The following BPIFC variants were observed in gnomAD, a reference collection of about 807,000 sequenced individuals.
BPIFC encodes BPI fold containing family C.
In BPIFC, 60 loss-of-function variants were observed where a neutral mutation model predicts 57.6. That is an observed-to-expected ratio of 1.04 (90% CI 0.85 to 1.29). The LOEUF is 1.29. Ranked by LOEUF, BPIFC falls within the 50% of genes most tolerant of loss-of-function variation. The probability of loss-of-function intolerance (pLI) is 0.00; values close to 1 mark genes in which losing one functional copy is unlikely to be tolerated. For missense variants in BPIFC, 581 were observed against 600.5 expected (o/e 0.97, Z 0.34); for synonymous variants, 243 against 224.5 (o/e 1.08, Z -0.74).
intron 4 of BPIFC, among the ~76,000 whole-genome samples, chr22:32,449,014 C>T (rs62241180): frequency 0.01 from 1,578 of 152,196 alleles, 13 homozygotes; most frequent in Admixed American, 0.016. Context: ...GTGCATTACA[C>T]GCATTAGCTC....
At chr22:32,423,218 G>T (rs1253491118) in intron 13 of BPIFC, among the ~76,000 whole-genome samples, 2 of 152,180 alleles carry the variant, frequency 1.3e-5, no homozygotes, top group African/African-American at 4.8e-5. Flanking sequence ...AGAATGTGTT[G>T]AACCCATTCC....
chr22:32,430,824 G>A (rs1934218759), intron 13 of BPIFC, among the ~76,000 whole-genome samples: 1 of 151,832 alleles, frequency 6.6e-6, no homozygotes, highest in Admixed American at 6.6e-5. Flanking sequence ...AAAAGCTTTT[G>A]TAGAGATGAG....
At chr22:32,433,397 C>T (rs1178914664) in intron 11 of BPIFC, among the ~76,000 whole-genome samples, 1 of 152,178 alleles carries the variant, frequency 6.6e-6, no homozygotes, top group East Asian at 1.9e-4. Flanking sequence ...AGTGTGGGCA[C>T]TAATCCTTCA....
At chr22:32,422,770 A>ATG (rs1485321090) in intron 13 of BPIFC, among the ~76,000 whole-genome samples, 2 of 151,456 alleles carry the variant, frequency 1.3e-5, no homozygotes, top group Non-Finnish European at 2.9e-5. Context: ...GTGTGTGTGT[A>ATG]TGTGTGTGTG....
At chr22:32,436,026 T>C (rs1446105223) in intron 9 of BPIFC, 146 bp from the exon 10 acceptor site, 2 of 835,126 alleles carry the variant, frequency 2.4e-6, no homozygotes, top group Admixed American at 6.3e-5. Context: ...TCCCAACACT[T>C]TGGGAGGCTG....
At chr22:32,433,801 T>C in intron 10 of BPIFC, 29 bp from the exon 11 acceptor site, 1 of 1,593,324 alleles carries the variant, frequency 6.3e-7, no homozygotes, top group Admixed American at 1.7e-5. Flanking sequence ...TATGTCACTG[T>C]TAGGATTTTA....
At chr22:32,461,817 G>A (rs544217823) in intron 1 of BPIFC, among the ~76,000 whole-genome samples, 156 bp from the exon 2 acceptor site, 36 of 152,246 alleles carry the variant, frequency 2.4e-4, no homozygotes, top group Middle Eastern at 3.4e-3. Flanking sequence ...TATCACTGCC[G>A]GCTAAAAATT....
intron 7 of BPIFC, among the ~76,000 whole-genome samples, chr22:32,443,194 C>T (rs960751279): frequency 4.8e-5 from 7 of 145,226 alleles, no homozygotes; most frequent in Admixed American, 1.4e-4. Context: ...GACGAAGTCT[C>T]GCTCTGTCAC....
chr22:32,414,591 G>C (rs1173897433), intron 16 of BPIFC, among the ~76,000 whole-genome samples, 166 bp from the exon 17 acceptor site: 1 of 152,110 alleles, frequency 6.6e-6, no homozygotes. Flanking sequence ...TTGGCTCACT[G>C]CAAGCTCCGT....
chr22:32,429,252 G>A (rs1934161128), intron 13 of BPIFC, among the ~76,000 whole-genome samples: 1 of 151,414 alleles, frequency 6.6e-6, no homozygotes, highest in African/African-American at 2.4e-5. Flanking sequence ...TGTCCCCCAG[G>A]CTGGAGTGCA....
chr22:32,422,991 A>G (rs1204708771), intron 13 of BPIFC, among the ~76,000 whole-genome samples: 1 of 152,198 alleles, frequency 6.6e-6, no homozygotes, highest in Admixed American at 6.5e-5. Context: ...TTCTTACTGA[A>G]TGGATGTGTG....
intron 8 of BPIFC, 23 bp downstream of exon 8, chr22:32,442,648 G>C (rs1389087243): frequency 5.6e-6 from 9 of 1,608,952 alleles, no homozygotes; most frequent in African/African-American, 1.3e-5. Flanking sequence ...CAACCATCTG[G>C]AAAAGACAGT....
At chr22:32,433,352 C>T (rs1195886094) in intron 11 of BPIFC, among the ~76,000 whole-genome samples, 2 of 152,230 alleles carry the variant, frequency 1.3e-5, no homozygotes, top group African/African-American at 4.8e-5. Context: ...GCTACGAAGG[C>T]ACAATATTAA....
At chr22:32,458,174 T>A (rs960220153) in intron 2 of BPIFC, among the ~76,000 whole-genome samples, 4 of 152,162 alleles carry the variant, frequency 2.6e-5, no homozygotes, top group Non-Finnish European at 4.4e-5. Context: ...GGAATGACCC[T>A]ATGCCTCCAC....
chr22:32,451,082 T>C (rs1415344204), intron 4 of BPIFC, among the ~76,000 whole-genome samples: 3 of 152,382 alleles, frequency 2.0e-5, no homozygotes, highest in Non-Finnish European at 4.4e-5. Context: ...CACCTGTGGC[T>C]AGTGGCTACT....
Position 32,432,325 on chromosome 22 carries a change from G to T in BPIFC, c.1149+48C>A, listed in dbSNP as rs754255627. On this transcript the variant is annotated intron_variant, in intron 12 of 16. Coordinates refer to ENST00000300399, the MANE Select transcript of BPIFC (RefSeq NM_174932.3). ...GCTGCTGGCCAACAGTCCACAGCAG[G>T]AGCAGGATTGGCATCTACAGGCTGC... 3 of 1,594,846 alleles carry T rather than the reference G, an allele frequency of 1.9e-6. No individual in the cohort carries two copies. The South Asian group carries it at 3.4e-5, about 18-fold the overall frequency.
chr22:32,441,951 G>A (rs1248234807), intron 8 of BPIFC, among the ~76,000 whole-genome samples: 1 of 152,142 alleles, frequency 6.6e-6, no homozygotes. Flanking sequence ...AATAGGGTTC[G>A]CACTCCTATG....
intron 13 of BPIFC, among the ~76,000 whole-genome samples, chr22:32,424,726 TTCC>T (rs1300675248): frequency 0.038 from 3,385 of 88,400 alleles, 821 homozygotes; most frequent in East Asian, 0.11. Context: ...CCTCTTCTTC[TTCC>T]TCTTCTTCTT....
In BPIFC at chr22:32,445,713, GAAAAAAA is replaced by G. The variant is rs61507713; in HGVS notation, c.531-22_531-16del. The G allele has an allele frequency of 1.2e-3, 838 of 711,308 alleles. 5 individuals are homozygous for G. In the African/African-American group the frequency reaches 0.018, roughly 15 times the overall value. The allele number at this position is 711,308 out of a possible 1,614,324, so 44.1% of individuals were successfully genotyped here. On this transcript the variant is annotated splice_polypyrimidine_tract_variant and intron_variant, in intron 6 of 16. Coordinates refer to ENST00000300399, the MANE Select transcript of BPIFC (RefSeq NM_174932.3). ...TATACAGAACACTGAGGAAAAAAATGAAAAAAAAAAAAAAAAAAAAAAGAGGTTACTC... is the reference window on the plus strand; with the variant it reads ...TATACAGAACACTGAGGAAAAAAATGAAAAAAAAAAAAAAAGAGGTTACTC...
Sources: gnomAD v4.1 joint callset for allele counts (sites outside exome capture counted in the v4.1 genomes callset) on GRCh38, gnomAD v4.1.1 for gene constraint, MANE v1.5 for transcripts, NCBI Gene and HGNC (gene_info 2026-07-23, HGNC 2026-07-21) for gene names.